The following PROKR2 variants were observed in gnomAD, a reference collection of about 807,000 sequenced individuals.
The protein encoded by PROKR2 is prokineticin receptor 2.
Under a neutral mutation model 23.4 loss-of-function variants are expected in PROKR2, and 26 were observed. The ratio of observed to expected loss-of-function variants is 1.11; its 90% confidence interval spans 0.81 to 1.54. The LOEUF is 1.54. PROKR2 is among the 40% of genes most tolerant of loss of function. PROKR2 has a pLI of 0.00. For synonymous variants in PROKR2, 212 were observed against 201.2 expected (o/e 1.05, Z -0.45); for missense variants, 453 against 511.5 (o/e 0.89, Z 1.10).
rs1031879484 is a variant in PROKR2 at position 5,300,253 on chromosome 20, T to A, written c.*1787A>T. 6.6e-6 allele frequency among the ~76,000 whole-genome samples: 1 copy of A among 152,206 alleles called. No individual in the cohort carries two copies. Among genetic ancestry groups the A allele is most frequent in the South Asian group, 2.1e-4 (1 of 4,822 alleles). On this transcript the variant is annotated 3_prime_UTR_variant, in exon 3 of 3. Transcript: ENST00000678254. ...AGCACTAGGGTGCTATTTTGCAACA[T>A]GCAGGGAGGACTGTCAACACTTCTA...
intron 2 of PROKR2, among the ~76,000 whole-genome samples, chr20:5,305,403 T>A (rs528460830): frequency 6.6e-6 from 1 of 152,318 alleles, no homozygotes; most frequent in South Asian, 2.1e-4. Flanking sequence ...GGATTACTTC[T>A]AGGAAGGTCT....
intron 1 of PROKR2, 112 bp from the exon 2 acceptor site, chr20:5,314,489 A>G (rs1979581330): frequency 1.2e-6 from 1 of 867,164 alleles, no homozygotes; most frequent in African/African-American, 1.7e-5. Flanking sequence ...GAGTTGACTC[A>G]CCGTCCTGGA....
At position 5,314,250 on chromosome 20, in the gene PROKR2, A is replaced by G. The variant is rs753421718; in HGVS notation, c.120T>C (p.Asp40=). The G allele has an allele frequency of 5.6e-6, 9 of 1,614,056 alleles. No individual in the cohort carries two copies. Among genetic ancestry groups the G allele is most frequent in the Non-Finnish European group, 7.6e-6 (9 of 1,179,998 alleles). ...AGGTCCGGGTCTTGGTCATGTCCTC[A>G]TCCTCATCCATAGGGAGGTCATAAT... ...YGDYDLPMDE[D]EDMTKTRTFF... Residue 40 remains aspartate (D), a synonymous_variant, in exon 2 of 3, where the codon GAT becomes GAC. Coordinates refer to ENST00000678254, the MANE Select transcript of PROKR2 (RefSeq NM_144773.4).
chr20:5,308,716 G>C (rs1416178459), intron 2 of PROKR2, among the ~76,000 whole-genome samples: 3 of 152,126 alleles, frequency 2.0e-5, no homozygotes, highest in African/African-American at 7.2e-5. Context: ...CTCAGCAGCT[G>C]CCTATAGAAA....
intron 2 of PROKR2, among the ~76,000 whole-genome samples, chr20:5,310,093 C>T (rs1031634899): frequency 3.3e-5 from 5 of 152,186 alleles, no homozygotes; most frequent in African/African-American, 1.2e-4. Flanking sequence ...CACTGACAAC[C>T]TCTAAGGCTT....
At chr20:5,307,086 G>A (rs1979245891) in intron 2 of PROKR2, among the ~76,000 whole-genome samples, 1 of 152,178 alleles carries the variant, frequency 6.6e-6, no homozygotes, top group African/African-American at 2.4e-5. Flanking sequence ...AGAGATTCCA[G>A]GAGGATCCCG....
At chr20:5,313,661 C>T (rs1348359470) in intron 2 of PROKR2, among the ~76,000 whole-genome samples, 1 of 152,234 alleles carries the variant, frequency 6.6e-6, no homozygotes, top group African/African-American at 2.4e-5. Flanking sequence ...GTGCCACATA[C>T]TGTCATGTGG....
chr20:5,315,815 G>C, intron 1 of PROKR2: 1 of 456,466 alleles, frequency 2.2e-6, no homozygotes, highest in Middle Eastern at 3.3e-4. Flanking sequence ...AATCCCCGCA[G>C]CCTCTGCTCA....
chr20:5,310,045 A>C (rs1283610695), intron 2 of PROKR2, among the ~76,000 whole-genome samples: 1 of 152,220 alleles, frequency 6.6e-6, no homozygotes, highest in African/African-American at 2.4e-5. Flanking sequence ...TGGGGGACTC[A>C]GTTTCTTCAT....
At position 5,302,289 on chromosome 20, in the gene PROKR2, G is replaced by A. The variant is rs762046491; in HGVS notation, c.906C>T (p.Pro302=). Residue 302 remains proline, a synonymous_variant, in exon 3 of 3, where the codon CCC becomes CCT. Coordinates refer to ENST00000678254, the MANE Select transcript of PROKR2 (RefSeq NM_144773.4). ...AGTGCTTTTCCTTCACGAACACAGT[G>A]GGGAAGAAGTCACGAACGATGGTGA... is the stretch of plus-strand genomic sequence containing the variant. ...YGFTIVRDFF[P]TVFVKEKHYL... is the part of the protein sequence containing the mutation. The A allele has an allele frequency of 1.2e-6, 2 of 1,614,234 alleles. No individual in the cohort carries two copies. The highest frequency in any genetic ancestry group is 1.7e-6 in the Non-Finnish European group (2 of 1,180,032).
In PROKR2 at chr20:5,304,404, C is replaced by T. The variant is rs146062503; in HGVS notation, c.459-1668G>A. On this transcript the variant is annotated intron_variant, in intron 2 of 2. Coordinates refer to ENST00000678254, the MANE Select transcript of PROKR2 (RefSeq NM_144773.4). ...GTTAAAGAATGCTGCTCTTTCCAGTCGGATGATGAATTCCTACTGACTGAG... is the reference window on the plus strand; with the variant it reads ...GTTAAAGAATGCTGCTCTTTCCAGTTGGATGATGAATTCCTACTGACTGAG... 9.0e-3 allele frequency among the ~76,000 whole-genome samples: 1,367 copies of T among 152,296 alleles called. 12 individuals carry two copies. Among genetic ancestry groups the T allele is most frequent in the South Asian group, 0.016 (77 of 4,832 alleles).
intron 2 of PROKR2, among the ~76,000 whole-genome samples, chr20:5,303,763 G>A (rs532881101): frequency 3.3e-4 from 50 of 152,246 alleles, no homozygotes; most frequent in African/African-American, 1.2e-3. Flanking sequence ...GGACAGGGAG[G>A]AAACAAATCA....
rs376142095 is a variant in PROKR2 at position 5,302,452 on chromosome 20, C to T, written c.743G>A (p.Arg248Gln). The change falls in exon 3 of 3, where the codon CGG (arginine) becomes CAG (glutamine). Residue 248 changes from arginine to glutamine, a missense_variant. Coordinates refer to ENST00000678254, the MANE Select transcript of PROKR2 (RefSeq NM_144773.4). The part of the protein sequence containing the change: ...TMTLCYARIS[R>Q]ELWFKAVPGF... ...AGGGACTGCCTTGAACCAGAGCTCC[C>T]GGGAGATCCTGGCATAGCACAGGGT... is the stretch of plus-strand genomic sequence containing the variant. 3.4e-5 allele frequency: 55 copies of T among 1,614,164 alleles called. No homozygotes were observed. The East Asian group carries it at 3.6e-4, about 10-fold the overall frequency.
intron 2 of PROKR2, among the ~76,000 whole-genome samples, chr20:5,310,072 AT>A (rs1378554029): frequency 2.0e-5 from 3 of 152,216 alleles, no homozygotes; most frequent in Non-Finnish European, 4.4e-5. Context: ...AGTGGGGATA[AT>A]TAATAAGATC....
intron 1 of PROKR2, chr20:5,315,762 G>A (rs1420610413): frequency 4.5e-6 from 2 of 440,838 alleles, no homozygotes; most frequent in Non-Finnish European, 9.1e-6. Flanking sequence ...ACACCCGGAG[G>A]TGTCTTCTCT....
rs1038023962 is a variant in PROKR2 at position 5,307,223 on chromosome 20, A to G, written c.459-4487T>C. The stretch of plus-strand genomic sequence containing the variant: ...AAGAAGCTGTCATAGATGGTGGAAG[A>G]AAACCTGAGGAAAGCAGGACAACCA... On this transcript the variant is annotated intron_variant, in intron 2 of 2. Transcript: ENST00000678254. 8.5e-5 allele frequency among the ~76,000 whole-genome samples: 13 copies of G among 152,352 alleles called. No homozygotes were observed. The East Asian group carries it at 2.5e-3, about 29-fold the overall frequency.
Position 5,303,884 on chromosome 20 carries a change from G to A in PROKR2, c.459-1148C>T, listed in dbSNP as rs530512022. Among the ~76,000 whole-genome samples the A allele has an allele frequency of 1.3e-3, 199 of 152,230 alleles. 1 individual carries two copies. Among genetic ancestry groups the A allele is most frequent in the African/African-American group, 3.3e-3 (139 of 41,546 alleles). On this transcript the variant is annotated intron_variant, in intron 2 of 2. Coordinates refer to ENST00000678254, the MANE Select transcript of PROKR2 (RefSeq NM_144773.4). ...CCCCAAAACCTGGCCATAAACTGGC[G>A]TCAGCGTAACAATGGGACAAGTGTG...
In PROKR2 at chr20:5,314,298, G is replaced by T. The variant is rs375646689; in HGVS notation, c.72C>A (p.Leu24=). The change falls in exon 2 of 3, where the codon CTC becomes CTA. Residue 24 remains leucine, a synonymous_variant. Transcript: ENST00000678254. ...AATCACCATAACTGAAGTTAAAGGA[G>T]AGGGAGGAGGCATGGTCTTGGGGTG... ...FNPPQDHASS[L]SFNFSYGDYD... 3 of 1,614,240 alleles carry T rather than the reference G, an allele frequency of 1.9e-6. No homozygotes were observed. Among genetic ancestry groups the T allele is most frequent in the Non-Finnish European group, 2.5e-6 (3 of 1,180,042 alleles).
intron 2 of PROKR2, among the ~76,000 whole-genome samples, chr20:5,305,193 G>A (rs73073712): frequency 0.12 from 17,697 of 152,268 alleles, 1,106 homozygotes; most frequent in Non-Finnish European, 0.12. Context: ...CACCATGAGC[G>A]GCCCGTCCCG....
Sources: gnomAD v4.1 joint callset for allele counts (sites outside exome capture counted in the v4.1 genomes callset) on GRCh38, gnomAD v4.1.1 for gene constraint, MANE v1.5 for transcripts, NCBI Gene and HGNC (gene_info 2026-07-23, HGNC 2026-07-21) for gene names.